PTCHD4: variants seen among roughly 807,000 people sequenced by gnomAD.
The protein encoded by PTCHD4 is patched domain-containing protein 4.
A neutral mutation model predicts 58.1 loss-of-function variants in PTCHD4; 33 were observed. The ratio of observed to expected loss-of-function variants is 0.57; its 90% confidence interval spans 0.43 to 0.76. PTCHD4 has a LOEUF of 0.76. Among genes scored for constraint, PTCHD4 ranks in the 30% least tolerant of loss-of-function variants. PTCHD4 has a pLI of 0.00. For missense variants in PTCHD4, 1,058 were observed against 1,027.1 expected (o/e 1.03, Z -0.41); for synonymous variants, 478 against 409.6 (o/e 1.17, Z -2.02).
intron 3 of PTCHD4, among the ~76,000 whole-genome samples, chr6:48,050,585 G>A (rs907886884): frequency 6.6e-6 from 1 of 151,944 alleles, no homozygotes; most frequent in Admixed American, 6.6e-5. Context: ...ATAATATAGT[G>A]CTCTAAGGGC....
At position 48,068,434 on chromosome 6, in the gene PTCHD4, G is replaced by T. The variant is rs752982379; in HGVS notation, c.213C>A (p.Val71=). 3 of 1,613,874 alleles carry T rather than the reference G, an allele frequency of 1.9e-6. No individual in the cohort carries two copies. The highest frequency in any genetic ancestry group is 1.1e-5 in the South Asian group (1 of 91,072). Residue 71 remains valine, a synonymous_variant, in exon 3 of 5, where the codon GTC becomes GTA. Transcript: ENST00000339488. This position sits in a 1 kb window ranked among gnomAD's most constrained non-coding sequence, Gnocchi z 4.2. ...FQPEGDLERL[V]APSHSLAKIE... ...TCTTGGCCAGGCTGTGGCTGGGAGC[G>T]ACCAGGCGCTCCAGGTCGCCCTCGG...
chr6:47,899,722 A>G, intron 4 of PTCHD4: 1 of 202,744 alleles, frequency 4.9e-6, no homozygotes, highest in African/African-American at 2.4e-5. Flanking sequence ...GCCATAATCA[A>G]TTTCAGAACA....
At chr6:48,081,572 A>T (rs1465548920) in intron 1 of PTCHD4, among the ~76,000 whole-genome samples, 1 of 152,146 alleles carries the variant, frequency 6.6e-6, no homozygotes, top group Non-Finnish European at 1.5e-5. Flanking sequence ...ATATTAATAG[A>T]ATTAGTATGC....
chr6:47,998,124 GT>G lies in PTCHD4; in HGVS notation c.898+10509del, dbSNP rs370860200. Among the ~76,000 whole-genome samples the G allele has an allele frequency of 2.4e-3, 356 of 151,416 alleles. 2 individuals are homozygous for G. The highest frequency in any genetic ancestry group is 7.9e-3 in the African/African-American group (325 of 41,304). On this transcript the variant is annotated intron_variant, in intron 4 of 4. Transcript: ENST00000339488. The stretch of plus-strand genomic sequence containing the variant: ...ATTGCAGCTGTCCTGCACCAGGAAT[GT>G]TTTTTTTTCTTGGGACATTCTGACA...
In PTCHD4 at chr6:48,105,310, G is replaced by C. The variant is rs534407944; in HGVS notation, c.-970+5739C>G. On this transcript the variant is annotated intron_variant, in intron 1 of 4. Transcript: ENST00000339488. ...AGGATTAAGAAACTCACTCAAAACT[G>C]CTCAACTACATGGAAACTGAACAAC... is the stretch of plus-strand genomic sequence containing the variant. 3.3e-4 allele frequency among the ~76,000 whole-genome samples: 50 copies of C among 152,188 alleles called. 1 individual carries two copies. The South Asian group carries it at 0.01, about 31-fold the overall frequency.
At chr6:47,926,606 T>A (rs1765624888) in intron 4 of PTCHD4, among the ~76,000 whole-genome samples, 1 of 152,212 alleles carries the variant, frequency 6.6e-6, no homozygotes, top group Non-Finnish European at 1.5e-5. Flanking sequence ...CTTGAAAGTA[T>A]TGGTTTCAGA....
In PTCHD4 at chr6:47,878,043, T is replaced by A. The variant is rs748565463; in HGVS notation, c.*260A>T. On this transcript the variant is annotated 3_prime_UTR_variant, in exon 5 of 5. Transcript: ENST00000339488. ...TCTATCTTAACACTCCATTGATTCA[T>A]CCATTCCTTGGAAGAGCTCTCAGAT... 8.8e-6 allele frequency: 3 copies of A among 339,068 alleles called. No individual in the cohort carries two copies. Among genetic ancestry groups the A allele is most frequent in the Non-Finnish European group, 1.6e-5 (3 of 187,028 alleles). 21.0% of individuals were successfully genotyped at this position (339,068 alleles called of 1,614,324 possible). A position where few individuals can be genotyped will look rare whatever the true frequency, so the allele number is the denominator to read the frequency against.
intron 4 of PTCHD4, among the ~76,000 whole-genome samples, chr6:47,906,218 G>A (rs1764880060): frequency 6.6e-6 from 1 of 152,184 alleles, no homozygotes. Flanking sequence ...AGAGTTTAAT[G>A]AATATTAGTT....
chr6:47,942,463 T>C (rs1296812672), intron 4 of PTCHD4, among the ~76,000 whole-genome samples: 3 of 152,144 alleles, frequency 2.0e-5, no homozygotes, highest in African/African-American at 4.8e-5. Context: ...ACAAAACAGC[T>C]TCAAGGACAG....
intron 3 of PTCHD4, among the ~76,000 whole-genome samples, chr6:48,030,666 G>A (rs1763401135): frequency 6.6e-6 from 1 of 152,062 alleles, no homozygotes; most frequent in Non-Finnish European, 1.5e-5. Context: ...CTGCAAGTCA[G>A]AAAATTTCTC....
At chr6:47,950,713 A>T (rs1241366409) in intron 4 of PTCHD4, among the ~76,000 whole-genome samples, 2 of 152,194 alleles carry the variant, frequency 1.3e-5, no homozygotes, top group Non-Finnish European at 2.9e-5. Context: ...ACAGAGCTGT[A>T]AATGTGGGGG....
chr6:48,035,737 A>T (rs74487999), intron 3 of PTCHD4, among the ~76,000 whole-genome samples: 36 of 152,228 alleles, frequency 2.4e-4, no homozygotes, highest in Non-Finnish European at 4.6e-4. Context: ...ATTCTGCATT[A>T]TACCCCAGCT....
chr6:47,957,770 T>C lies in PTCHD4; in HGVS notation c.898+50864A>G, dbSNP rs571667465. 1.0e-3 allele frequency among the ~76,000 whole-genome samples: 151 copies of C among 151,756 alleles called. 5 individuals carry two copies. The South Asian group carries it at 0.031, about 31-fold the overall frequency. On this transcript the variant is annotated intron_variant, in intron 4 of 4. Coordinates refer to ENST00000339488, the MANE Select transcript of PTCHD4 (RefSeq NM_001384253.1). ...TGCCCACCACCATGCCCGGCTAATT[T>C]TTTTTTTGTATTTTTAGTAGAAAAA...
intron 4 of PTCHD4, among the ~76,000 whole-genome samples, chr6:47,911,468 A>G (rs1440798488): frequency 6.6e-6 from 1 of 152,048 alleles, no homozygotes; most frequent in African/African-American, 2.4e-5. Flanking sequence ...TCTTTACATC[A>G]CAAGTCTTCT....
At chr6:47,997,522 T>G (rs1245140762) in intron 4 of PTCHD4, among the ~76,000 whole-genome samples, 1 of 152,184 alleles carries the variant, frequency 6.6e-6, no homozygotes, top group Non-Finnish European at 1.5e-5. Flanking sequence ...CTGGACCTAG[T>G]CTTATTTCCA....
At chr6:47,901,770 A>G (rs1764713545) in intron 4 of PTCHD4, 2 of 1,235,286 alleles carry the variant, frequency 1.6e-6, no homozygotes, top group Non-Finnish European at 2.1e-6. Flanking sequence ...GGTGATGATG[A>G]TGATGATGAC....
chr6:48,110,363 C>T (rs1765840088), intron 1 of PTCHD4, among the ~76,000 whole-genome samples: 1 of 151,946 alleles, frequency 6.6e-6, no homozygotes, highest in South Asian at 2.1e-4. Flanking sequence ...ATAAGCCAGA[C>T]ATTGAAAGAA....
At chr6:48,088,849 G>A (rs926794494) in intron 1 of PTCHD4, among the ~76,000 whole-genome samples, 2 of 152,190 alleles carry the variant, frequency 1.3e-5, no homozygotes, top group Admixed American at 6.5e-5. Flanking sequence ...TTCGAGACCA[G>A]CCTGGCCAAC....
chr6:47,962,103 T>G (rs937045654), intron 4 of PTCHD4, among the ~76,000 whole-genome samples: 2 of 152,150 alleles, frequency 1.3e-5, no homozygotes, highest in Non-Finnish European at 2.9e-5. Context: ...ACAGATATTT[T>G]AATTATAATA....
Sources: gnomAD v4.1 joint callset for allele counts (sites outside exome capture counted in the v4.1 genomes callset) on GRCh38, gnomAD v4.1.1 for gene constraint, Gnocchi (gnomAD v3.1) non-coding constraint, MANE v1.5 for transcripts, NCBI Gene and HGNC (gene_info 2026-07-23, HGNC 2026-07-21) for gene names.